Variants in LGALS4 observed in about 807,000 individuals in gnomAD.
LGALS4 encodes galectin 4, also known as galectin-4.
Under a neutral mutation model 39.6 loss-of-function variants are expected in LGALS4, and 37 were observed. The observed-to-expected ratio is 0.93, with a 90% CI of 0.72 to 1.23. The LOEUF is 1.23. Among genes scored for constraint, LGALS4 ranks in the 50% most tolerant of loss-of-function variants. LGALS4 has a pLI of 0.00. For synonymous variants in LGALS4, 160 were observed against 165.5 expected, an observed-to-expected ratio of 0.97 and a Z score of 0.25; for missense variants, 397 against 433.2, an observed-to-expected ratio of 0.92 and a Z score of 0.74.
intron 2 of LGALS4, 73 bp downstream of exon 2, chr19:38,812,358 C>A: frequency 1.5e-6 from 2 of 1,338,942 alleles, no homozygotes; most frequent in South Asian, 2.4e-5. Context: ...GGCAGAAAGC[C>A]CCCAACAGCC....
chr19:38,812,556 T>C, intron 1 of LGALS4, 37 bp from the exon 2 acceptor site: 1 of 1,588,296 alleles, frequency 6.3e-7, no homozygotes, highest in Non-Finnish European at 8.6e-7. Flanking sequence ...TCACAAGCCA[T>C]CTGCCTGTTG....
At position 38,801,736 on chromosome 19, in the gene LGALS4, T is replaced by C. The variant is rs1353513112; in HGVS notation, c.*28A>G. 2.5e-6 allele frequency: 4 copies of C among 1,611,062 alleles called. No individual in the cohort carries two copies. Among genetic ancestry groups the C allele is most frequent in the Non-Finnish European group, 3.4e-6 (4 of 1,178,118 alleles). Reference sequence around the variant, plus strand: ...GGAGTCCTAGGGGATAATTCTGTTTTCCCATGAGTTATGGCCCCAGGAATA... The same window carrying C: ...GGAGTCCTAGGGGATAATTCTGTTTCCCCATGAGTTATGGCCCCAGGAATA... On this transcript the variant is annotated 3_prime_UTR_variant, in exon 10 of 10. Coordinates refer to ENST00000307751, the MANE Select transcript of LGALS4 (RefSeq NM_006149.4).
At position 38,801,842 on chromosome 19, in the gene LGALS4, G is replaced by A; in HGVS notation, c.894C>T (p.Ala298=). The change falls in exon 10 of 10, where the codon GCC becomes GCT. Residue 298 remains alanine (A), a synonymous_variant. Transcript: ENST00000307751. ...CCCTCTGGAAGGCCGAGAGGCGATG[G>A]GCAAAGTCAAAGAGGTGCTGGCCAT... ...YANGQHLFDF[A]HRLSAFQRVD... 6.2e-7 allele frequency: 1 copy of A among 1,614,210 alleles called. No individual in the cohort carries two copies.
chr19:38,806,485 G>A lies in LGALS4; in HGVS notation c.450C>T (p.Ile150=), dbSNP rs367810941. The A allele has an allele frequency of 6.3e-5, 102 of 1,614,178 alleles. 1 individual carries two copies. In the African/African-American group the frequency reaches 1.1e-3, roughly 17 times the overall value. ...CCTGGGGCCGGAGGGGCTGGCCTCC[G>A]ATGAAGTTGATTGATTGAAGTTGCA... ...GDLQLQSINF[I]GGQPLRPQGP... Residue 150 remains isoleucine (I), a synonymous_variant, in exon 4 of 10, where the codon ATC becomes ATT. Coordinates refer to ENST00000307751, the MANE Select transcript of LGALS4 (RefSeq NM_006149.4).
At chr19:38,810,157 C>A (rs1434025427) in intron 2 of LGALS4, among the ~76,000 whole-genome samples, 4 of 151,992 alleles carry the variant, frequency 2.6e-5, no homozygotes, top group Admixed American at 1.3e-4. Context: ...CCTTCTCTGG[C>A]CACCTTTTTA....
chr19:38,812,737 G>C (rs1036885945), intron 1 of LGALS4, 105 bp downstream of exon 1: 2 of 1,281,118 alleles, frequency 1.6e-6, no homozygotes, highest in Non-Finnish European at 2.2e-6. Flanking sequence ...GGGTAAATCA[G>C]ACCACAGAGT....
chr19:38,809,717 C>T (rs193101769), intron 2 of LGALS4, among the ~76,000 whole-genome samples: 9 of 137,352 alleles, frequency 6.6e-5, no homozygotes, highest in African/African-American at 8.4e-5. Flanking sequence ...CTCAAACTCC[C>T]GGGCTCAAGC....
At chr19:38,811,780 G>A (rs944696668) in intron 2 of LGALS4, among the ~76,000 whole-genome samples, 8 of 152,106 alleles carry the variant, frequency 5.3e-5, no homozygotes, top group Admixed American at 4.6e-4. Context: ...TTGGGAGGCC[G>A]AGATGGGAGG....
intron 3 of LGALS4, 94 bp from the exon 4 acceptor site, chr19:38,806,689 C>T: frequency 7.5e-7 from 1 of 1,340,916 alleles, no homozygotes; most frequent in Non-Finnish European, 1.0e-6. Flanking sequence ...GCTCACGCCT[C>T]TAATCCCAGC....
Position 38,808,740 on chromosome 19 carries a change from A to G in LGALS4, c.339+4T>C. On this transcript the variant is annotated splice_donor_region_variant and intron_variant, in intron 3 of 9. Coordinates refer to ENST00000307751, the MANE Select transcript of LGALS4 (RefSeq NM_006149.4). ...TTGGGAAACAAGAGAGAAAGCATGC[A>G]GACCTTGTAGTGCTCAGCCAGGACT... 6.2e-7 allele frequency: 1 copy of G among 1,613,288 alleles called. No individual in the cohort carries two copies. The highest frequency in any genetic ancestry group is 8.5e-7 in the Non-Finnish European group (1 of 1,179,340).
intron 2 of LGALS4, among the ~76,000 whole-genome samples, chr19:38,812,030 C>CA (rs1380350432): frequency 4.1e-5 from 6 of 146,522 alleles, no homozygotes; most frequent in Admixed American, 2.0e-4. Context: ...AAAAAAAAAA[C>CA]AAAAAAAACA....
intron 4 of LGALS4, 45 bp downstream of exon 4, chr19:38,806,416 G>A: frequency 6.4e-7 from 1 of 1,571,252 alleles, no homozygotes; most frequent in Non-Finnish European, 8.6e-7. Flanking sequence ...ATGTGGAACT[G>A]AATTTAGAAA....
intron 2 of LGALS4, among the ~76,000 whole-genome samples, chr19:38,810,329 A>G (rs1220304306): frequency 4.6e-5 from 3 of 65,844 alleles, no homozygotes; most frequent in Non-Finnish European, 6.3e-5. Flanking sequence ...CTAATTTTGT[A>G]TTTTCAGCAG....
intron 4 of LGALS4, 140 bp from the exon 5 acceptor site, chr19:38,804,035 G>T (rs79532170): frequency 2.1e-6 from 2 of 959,094 alleles, no homozygotes; most frequent in Non-Finnish European, 3.2e-6. Flanking sequence ...GTGGCACCCC[G>T]ATCACAGATT....
chr19:38,804,913 T>C (rs1025228069), intron 4 of LGALS4, among the ~76,000 whole-genome samples: 3 of 151,956 alleles, frequency 2.0e-5, no homozygotes, highest in Admixed American at 1.3e-4. Context: ...CTCAGGACTT[T>C]GGGAGGCTGA....
In LGALS4 at chr19:38,803,764, T is replaced by C. The variant is rs771312243; in HGVS notation, c.518A>G (p.His173Arg). The change falls in exon 6 of 10, where the codon CAT becomes CGT. Residue 173 changes from histidine (H) to arginine (R), a missense_variant. Physicochemically the swap from His to Arg is conservative, Grantham distance 29 (BLOSUM62 0). Transcript: ENST00000307751. ...MPPYPGPGHC[H>R]QQLNSLPTME... ...CACGGGCAGGCTGTTCAGCTGTTGA[T>C]GGCAATGTCCGGGACCCTGAACGAT... 1.9e-5 allele frequency: 31 copies of C among 1,613,418 alleles called. No individual in the cohort carries two copies. Among genetic ancestry groups the C allele is most frequent in the Non-Finnish European group, 2.3e-5 (27 of 1,179,832 alleles).
chr19:38,809,038 C>T, intron 2 of LGALS4, 90 bp from the exon 3 acceptor site: 1 of 1,142,428 alleles, frequency 8.8e-7, no homozygotes. Context: ...CCGCCCTGTC[C>T]TCGGCCTCCC....
At chr19:38,810,122 C>A (rs372023399) in intron 2 of LGALS4, among the ~76,000 whole-genome samples, 7 of 152,164 alleles carry the variant, frequency 4.6e-5, no homozygotes, top group African/African-American at 1.4e-4. Flanking sequence ...CTGTTCTTTG[C>A]TGATATGTTC....
At chr19:38,804,175 C>T (rs1042765841) in intron 4 of LGALS4, among the ~76,000 whole-genome samples, 8 of 152,182 alleles carry the variant, frequency 5.3e-5, no homozygotes, top group African/African-American at 1.9e-4. Flanking sequence ...GTCCCGGGGC[C>T]CTCACTCGCT....
Sources: gnomAD v4.1 joint callset for allele counts (sites outside exome capture counted in the v4.1 genomes callset) on GRCh38, gnomAD v4.1.1 for gene constraint, MANE v1.5 for transcripts, NCBI Gene and HGNC (gene_info 2026-07-23, HGNC 2026-07-21) for gene names.